Variants in LOC400499 observed in about 807,000 individuals in gnomAD.
At chr16:11,485,823 A>G in the LOC400499 span, among the ~76,000 whole-genome samples, 1 of 152,198 alleles carries the variant, frequency 6.6e-6, no homozygotes, top group Non-Finnish European at 1.5e-5. Context: ...GGATGGATGG[A>G]TAATAGATGG....
the LOC400499 span, chr16:11,523,453 C>T: frequency 1.0e-5 from 4 of 398,650 alleles, no homozygotes; most frequent in Admixed American, 4.4e-5. Context: ...GCCACCTGCC[C>T]CACCTGCGAA....
At chr16:11,438,630 A>AAG in the LOC400499 span, among the ~76,000 whole-genome samples, 39 of 143,126 alleles carry the variant, frequency 2.7e-4, no homozygotes, top group African/African-American at 9.1e-4. Flanking sequence ...AAAAAAAAAA[A>AAG]GTACAAAAAT....
the LOC400499 span, among the ~76,000 whole-genome samples, chr16:11,468,237 C>T: frequency 6.6e-6 from 1 of 152,224 alleles, no homozygotes; most frequent in Non-Finnish European, 1.5e-5. Flanking sequence ...GGGAAATGAA[C>T]ACAGATTTCT....
At chr16:11,374,462 T>C in the LOC400499 span, among the ~76,000 whole-genome samples, 1 of 152,188 alleles carries the variant, frequency 6.6e-6, no homozygotes, top group Non-Finnish European at 1.5e-5. Flanking sequence ...AAACTGAAAC[T>C]TTATCCCCAT....
At chr16:11,439,890 G>C in the LOC400499 span, among the ~76,000 whole-genome samples, 8 of 152,024 alleles carry the variant, frequency 5.3e-5, no homozygotes, top group African/African-American at 1.9e-4. Context: ...CCTTGAACCA[G>C]GCACTGTGCT....
the LOC400499 span, chr16:11,450,506 G>C: frequency 8.8e-7 from 1 of 1,136,752 alleles, no homozygotes; most frequent in Non-Finnish European, 1.2e-6. Flanking sequence ...ACACCTGTGA[G>C]CTGCTATCTG....
the LOC400499 span, among the ~76,000 whole-genome samples, chr16:11,379,594 G>A: frequency 6.6e-6 from 1 of 152,224 alleles, no homozygotes; most frequent in Non-Finnish European, 1.5e-5. Context: ...TGGTGACTGT[G>A]TCATGAGGCC....
the LOC400499 span, among the ~76,000 whole-genome samples, chr16:11,404,035 T>C: frequency 6.6e-6 from 1 of 152,114 alleles, no homozygotes; most frequent in Non-Finnish European, 1.5e-5. Context: ...CAAACCTCAT[T>C]TCCAAGTGGG....
chr16:11,374,168 C>T, the LOC400499 span, among the ~76,000 whole-genome samples: 1 of 152,134 alleles, frequency 6.6e-6, no homozygotes, highest in Non-Finnish European at 1.5e-5. Context: ...CTATCTGAGT[C>T]CTGTGGGTCT....
chr16:11,392,609 C>T, the LOC400499 span: 1 of 438,624 alleles, frequency 2.3e-6, no homozygotes, highest in Non-Finnish European at 3.8e-6. Context: ...GCCTCAAGGC[C>T]CTAGGATTTG....
chr16:11,506,226 T>C, the LOC400499 span, among the ~76,000 whole-genome samples: 1 of 152,252 alleles, frequency 6.6e-6, no homozygotes, highest in East Asian at 1.9e-4. Context: ...GGTTTCACCA[T>C]GTTGGCCAGG....
At chr16:11,487,426 C>T in the LOC400499 span, 9 of 398,526 alleles carry the variant, frequency 2.3e-5, no homozygotes, top group Non-Finnish European at 3.5e-5. Flanking sequence ...TCTGTACACT[C>T]ACAGAGTGGG....
chr16:11,385,523 C>A, the LOC400499 span: 1 of 763,052 alleles, frequency 1.3e-6, no homozygotes, highest in Non-Finnish European at 1.8e-6. Context: ...TTTGGCTTAG[C>A]CTGCCCTGAG....
the LOC400499 span, chr16:11,414,596 G>A: frequency 2.5e-6 from 1 of 399,134 alleles, no homozygotes; most frequent in Non-Finnish European, 4.4e-6. Flanking sequence ...GAGAGGCCAT[G>A]CCCTGTGGCC....
chr16:11,387,257 G>A, the LOC400499 span: 19 of 1,232,130 alleles, frequency 1.5e-5, no homozygotes, highest in African/African-American at 6.2e-5. Context: ...CTCGTCCCCC[G>A]CAGGCAACAG....
chr16:11,508,625 G>C, the LOC400499 span: 2 of 397,586 alleles, frequency 5.0e-6, no homozygotes, highest in Non-Finnish European at 8.9e-6. Context: ...ATATCTGAGA[G>C]GATGGGCCAG....
the LOC400499 span, among the ~76,000 whole-genome samples, chr16:11,503,165 T>C: frequency 2.0e-5 from 3 of 152,246 alleles, no homozygotes; most frequent in East Asian, 5.8e-4. Context: ...TCCTCCCACC[T>C]TGGCCTCCCC....
At chr16:11,473,887 C>G in the LOC400499 span, among the ~76,000 whole-genome samples, 1 of 152,210 alleles carries the variant, frequency 6.6e-6, no homozygotes, top group Non-Finnish European at 1.5e-5. Context: ...ACAGAATCCT[C>G]CTTGGTCACC....
the LOC400499 span, among the ~76,000 whole-genome samples, chr16:11,438,722 A>G: frequency 6.6e-6 from 1 of 151,906 alleles, no homozygotes; most frequent in Admixed American, 6.6e-5. Flanking sequence ...CCAGGTGGTC[A>G]AGGCTGAAGT....
Sources: allele counts gnomAD v4.1 joint callset (sites outside exome capture counted in the v4.1 genomes callset), GRCh38; gene constraint gnomAD v4.1.1; transcripts MANE v1.5.